ZNF577: variants seen among roughly 807,000 people sequenced by gnomAD.
ZNF577 encodes zinc finger protein 577.
Under a neutral mutation model 13.9 loss-of-function variants are expected in ZNF577, and 14 were observed. The observed-to-expected ratio is 1.00, with a 90% CI of 0.66 to 1.57. The LOEUF (loss-of-function observed/expected upper bound fraction) is 1.57. Ranked by LOEUF, ZNF577 falls within the 40% of genes most tolerant of loss-of-function variation. ZNF577 has a pLI of 0.00. For missense variants in ZNF577, 555 were observed against 579.2 expected (o/e 0.96, Z 0.43); for synonymous variants, 203 against 202.9 (o/e 1.00, Z 0.00).
intron 5 of ZNF577, among the ~76,000 whole-genome samples, chr19:51,857,426 G>GAAAGAAAGAAAGA (rs1555745840): frequency 1.0e-5 from 1 of 96,776 alleles, no homozygotes; most frequent in Non-Finnish European, 2.0e-5. Context: ...AAGAAAGAAA[G>GAAAGAAAGAAAGA]AAAAGAAAAA....
exon 11 of ZNF577, chr19:51,805,140 T>C (rs2084049949): frequency 6.6e-6 from 1 of 152,216 alleles, no homozygotes; most frequent in Admixed American, 6.5e-5. Context: ...GTTGGTCACG[T>C]CCCATGGGCC....
intron 9 of ZNF577, among the ~76,000 whole-genome samples, chr19:51,827,493 G>A (rs2084238248): frequency 6.6e-6 from 1 of 152,222 alleles, no homozygotes; most frequent in Non-Finnish European, 1.5e-5. Flanking sequence ...AAATAAGATA[G>A]TGTCTGATAT....
At chr19:51,874,128 G>A (rs2084716055) in intron 5 of ZNF577, among the ~76,000 whole-genome samples, 1 of 152,172 alleles carries the variant, frequency 6.6e-6, no homozygotes, top group Non-Finnish European at 1.5e-5. Context: ...TCCCAAATCG[G>A]ACCTTGCAAA....
chr19:51,877,195 A>G, intron 5 of ZNF577, 87 bp downstream of exon 5: 1 of 1,186,922 alleles, frequency 8.4e-7, no homozygotes, highest in Non-Finnish European at 1.2e-6. Context: ...AGTCCTCTAA[A>G]GAACACTTTA....
In ZNF577 at chr19:51,845,350, G is replaced by A. The variant is rs549878944; in HGVS notation, c.284-419C>T. ...CACTACTAAAAATACCAAATTATCC[G>A]TGGTGGTGTATGCCTGTAATCCCAG... On this transcript the variant is annotated intron_variant and NMD_transcript_variant, in intron 5 of 10. Coordinates refer to the ZNF577 transcript ENST00000638827. 1.3e-4 allele frequency among the ~76,000 whole-genome samples: 20 copies of A among 152,074 alleles called. No individual in the cohort carries two copies. In the South Asian group the frequency reaches 2.9e-3, roughly 22 times the overall value.
At chr19:51,837,654 T>C (rs1452546365) in intron 9 of ZNF577, among the ~76,000 whole-genome samples, 1 of 151,954 alleles carries the variant, frequency 6.6e-6, no homozygotes, top group African/African-American at 2.4e-5. Context: ...ACGTTCTAGA[T>C]TACAAATAAC....
At chr19:51,813,744 C>G (rs1033821505) in intron 9 of ZNF577, among the ~76,000 whole-genome samples, 3 of 152,266 alleles carry the variant, frequency 2.0e-5, no homozygotes, top group East Asian at 3.9e-4. Flanking sequence ...CTGTGTTAGC[C>G]AGGATGGACT....
chr19:51,816,768 C>T (rs1410949431), intron 9 of ZNF577, among the ~76,000 whole-genome samples: 1 of 152,134 alleles, frequency 6.6e-6, no homozygotes, highest in Non-Finnish European at 1.5e-5. Flanking sequence ...CGATCTGATG[C>T]TATCTCCAGT....
At chr19:51,854,483 C>T (rs1033090111) in intron 5 of ZNF577, among the ~76,000 whole-genome samples, 2 of 149,660 alleles carry the variant, frequency 1.3e-5, no homozygotes, top group African/African-American at 5.0e-5. Context: ...AATGCACCAC[C>T]ATGCCCAGCT....
chr19:51,875,288 G>C (rs998310928), intron 5 of ZNF577, among the ~76,000 whole-genome samples: 12 of 151,276 alleles, frequency 7.9e-5, no homozygotes, highest in Middle Eastern at 3.4e-3. Context: ...CCTTGAACCT[G>C]GGTGGCAGAG....
At position 51,869,652 on chromosome 19, in the gene ZNF577, C is replaced by A. The variant is rs1207922648; in HGVS notation, c.*2880G>T. Among the ~76,000 whole-genome samples, 1 of 151,996 alleles carries A rather than the reference C, an allele frequency of 6.6e-6. No individual in the cohort carries two copies. The highest frequency in any genetic ancestry group is 1.5e-5 in the Non-Finnish European group (1 of 68,038). Reference sequence around the variant, plus strand: ...TTATTTCTTTTCTCAGTCTCTCGTCCCCCCTGACGAGAAACACCCACAGGT... The same window carrying A: ...TTATTTCTTTTCTCAGTCTCTCGTCACCCCTGACGAGAAACACCCACAGGT... On this transcript the variant is annotated 3_prime_UTR_variant, in exon 6 of 6. Transcript: ENST00000638348.
chr19:51,824,778 C>G lies in ZNF577; in HGVS notation c.*600-13104G>C. On this transcript the variant is annotated intron_variant and NMD_transcript_variant, in intron 9 of 10. Coordinates refer to the ZNF577 transcript ENST00000638827. The surrounding 1 kb of genome is among the most constrained non-coding windows in gnomAD (Gnocchi z 4.7). ...CAACACAGACACCACTTCTGCTTCA[C>G]CTCCTGAGGAGACGGAGTTACAAGC... 1 of 1,613,344 alleles carries G rather than the reference C, an allele frequency of 6.2e-7. No individual in the cohort carries two copies. Among genetic ancestry groups the G allele is most frequent in the Non-Finnish European group, 8.5e-7 (1 of 1,179,556 alleles).
chr19:51,840,094 T>C (rs2084312185), exon 9 of ZNF577: 4 of 152,216 alleles, frequency 2.6e-5, no homozygotes, highest in Admixed American at 2.6e-4. Context: ...GATGGCCATT[T>C]TCTGGCGACT....
At position 51,870,858 on chromosome 19, in the gene ZNF577, G is replaced by A. The variant is rs1439731456; in HGVS notation, c.*1674C>T. Among the ~76,000 whole-genome samples, 10 of 152,240 alleles carry A rather than the reference G, an allele frequency of 6.6e-5. No individual in the cohort carries two copies. The highest frequency in any genetic ancestry group is 6.5e-4 in the Admixed American group (10 of 15,284). On this transcript the variant is annotated 3_prime_UTR_variant, in exon 6 of 6. Transcript: ENST00000638348. ...AGGCACTAAGCTGGGGCAATCATAA[G>A]GCTCATCTCATTGTTTCCTTTCTGT...
chr19:51,858,833 T>C (rs984503019), intron 5 of ZNF577, among the ~76,000 whole-genome samples: 1 of 152,234 alleles, frequency 6.6e-6, no homozygotes, highest in African/African-American at 2.4e-5. Context: ...TTTTTAAATA[T>C]ATTTTTCTTC....
In ZNF577 at chr19:51,872,811, CCTT is replaced by C; in HGVS notation, c.1176_1178del (p.Arg393del). 1 of 1,614,130 alleles carries C rather than the reference CCTT, an allele frequency of 6.2e-7. No individual in the cohort carries two copies. The highest frequency in any genetic ancestry group is 8.5e-7 in the Non-Finnish European group (1 of 1,180,020). Reference sequence around the variant, plus strand: ...CGCTCATGTATAAGGAGGTATGACTCCTTGAGGAAGGTTTCTCCACCGTCAGTG... The same window carrying C: ...CGCTCATGTATAAGGAGGTATGACTCGAGGAAGGTTTCTCCACCGTCAGTG... On this transcript the variant is annotated inframe_deletion, in exon 6 of 6. Coordinates refer to ENST00000638348, the MANE Select transcript of ZNF577 (RefSeq NM_001370449.1).
chr19:51,873,091 C>T lies in ZNF577; in HGVS notation c.899G>A (p.Cys300Tyr). ...ATAGAAGGTTCTTCCACAATCACTG[C>T]ATTTATAAGGCTTATCTCCTGTGTG... ...RLHTGDKPYK[C>Y]SDCGRTFYFK... Residue 300 changes from cysteine (C) to tyrosine (Y), a missense_variant, in exon 6 of 6, where the codon TGC (cysteine) becomes TAC (tyrosine). Transcript: ENST00000638348. 6.2e-7 allele frequency: 1 copy of T among 1,614,202 alleles called. No homozygotes were observed. The highest frequency in any genetic ancestry group is 1.3e-5 in the African/African-American group (1 of 75,046).
In ZNF577 at chr19:51,873,588, T is replaced by A; in HGVS notation, c.402A>T (p.Arg134Ser). Residue 134 changes from arginine to serine, a missense_variant, in exon 6 of 6, where the codon AGA (arginine) becomes AGT (serine). Arg to Ser is a moderately radical substitution (Grantham distance 110). Coordinates refer to ENST00000638348, the MANE Select transcript of ZNF577 (RefSeq NM_001370449.1). ...ATTTAGGGCTGCTGGGTTTAACACA[T>A]CTATGGTATTTAACTCCAGTAAGAG... is the stretch of plus-strand genomic sequence containing the variant. ...DKTLTGVKYH[R>S]CVKPSSPKSQ... The A allele has an allele frequency of 1.2e-6, 2 of 1,614,196 alleles. No homozygotes were observed. Among genetic ancestry groups the A allele is most frequent in the Non-Finnish European group, 1.7e-6 (2 of 1,180,042 alleles).
chr19:51,841,907 T>TTCTA (rs760621889), intron 8 of ZNF577, among the ~76,000 whole-genome samples: 48 of 152,266 alleles, frequency 3.2e-4, no homozygotes, highest in Admixed American at 1.7e-3. Flanking sequence ...AAACAATGAA[T>TTCTA]TCTACCATTA....
Sources: gnomAD v4.1 joint callset for allele counts (sites outside exome capture counted in the v4.1 genomes callset) on GRCh38, gnomAD v4.1.1 for gene constraint, Gnocchi (gnomAD v3.1) non-coding constraint, MANE v1.5 for transcripts, NCBI Gene and HGNC (gene_info 2026-07-23, HGNC 2026-07-21) for gene names.